MET: variants seen among roughly 807,000 people sequenced by gnomAD.
MET encodes MET proto-oncogene, receptor tyrosine kinase.
In MET, 48 loss-of-function variants were observed where a neutral mutation model predicts 133.1. That is an observed-to-expected ratio of 0.36 (90% CI 0.29 to 0.46). The LOEUF is 0.46. Among genes scored for constraint, MET ranks in the 20% least tolerant of loss-of-function variants. MET has a pLI of 1.00. For missense variants in MET, 1,442 were observed against 1,695.9 expected, an observed-to-expected ratio of 0.85 and a Z score of 2.63; for synonymous variants, 628 against 616.5, an observed-to-expected ratio of 1.02 and a Z score of -0.28.
In MET at chr7:116,795,722, C is replaced by T. The variant is rs1584977952; in HGVS notation, c.3866C>T (p.Thr1289Ile). Residue 1289 changes from threonine (T) to isoleucine (I), a missense_variant, in exon 20 of 21, where the codon ACC becomes ATC. By Grantham distance (89) the Thr-to-Ile change is moderately conservative (BLOSUM62 -1). This residue lies in a region of MET where 32 missense variants were observed against 72.4 expected (regional missense o/e 0.44). Transcript: ENST00000397752. ...RGAPPYPDVNTFDITVYLLQG... is the reference protein window; with the variant it reads ...RGAPPYPDVNIFDITVYLLQG... ...GCCCCACCTTATCCTGACGTAAACA[C>T]CTTTGATATAACTGTTTACTTGTTG... is the stretch of plus-strand genomic sequence containing the variant. The T allele has an allele frequency of 1.2e-6, 2 of 1,614,090 alleles. No individual in the cohort carries two copies. Among genetic ancestry groups the T allele is most frequent in the Non-Finnish European group, 1.7e-6 (2 of 1,179,986 alleles).
chr7:116,721,585 A>G (rs997246245), intron 2 of MET, among the ~76,000 whole-genome samples: 4 of 151,928 alleles, frequency 2.6e-5, no homozygotes, highest in African/African-American at 9.7e-5. Flanking sequence ...TTAGGGTGTC[A>G]ATTTTGGAAC....
At chr7:116,789,675 G>C (rs902118572) in intron 19 of MET, among the ~76,000 whole-genome samples, 10 of 152,142 alleles carry the variant, frequency 6.6e-5, no homozygotes, top group Admixed American at 6.5e-4. Flanking sequence ...GTAGTCTTAT[G>C]AGTCTGTCTC....
chr7:116,704,377 G>A (rs1260312711), intron 2 of MET, among the ~76,000 whole-genome samples: 5 of 152,194 alleles, frequency 3.3e-5, no homozygotes, highest in East Asian at 1.9e-4. Flanking sequence ...TGAACCCATC[G>A]TCCTGCGTGC....
rs1369412980 is a variant in MET at position 116,737,948 on chromosome 7, C to T, written c.1393-2002C>T. ...GCAAGAAGGTAGGAGAAAAAAAGGG[C>T]TCTAGGAGGTGATTGTTATGTAGCC... On this transcript the variant is annotated intron_variant, in intron 3 of 20. Transcript: ENST00000397752. 2.6e-5 allele frequency among the ~76,000 whole-genome samples: 4 copies of T among 152,162 alleles called. No individual in the cohort carries two copies. The East Asian group carries it at 7.7e-4, about 29-fold the overall frequency.
At chr7:116,690,013 G>T (rs1391469707) in intron 1 of MET, among the ~76,000 whole-genome samples, 1 of 152,126 alleles carries the variant, frequency 6.6e-6, no homozygotes, top group African/African-American at 2.4e-5. Context: ...CCACAAGATG[G>T]CTAAAGGGTG....
chr7:116,738,005 C>G (rs1205599999), intron 3 of MET, among the ~76,000 whole-genome samples: 1 of 152,116 alleles, frequency 6.6e-6, no homozygotes, highest in Non-Finnish European at 1.5e-5. Context: ...ACCAGGGAGA[C>G]AGACACAAAA....
intron 19 of MET, among the ~76,000 whole-genome samples, chr7:116,794,366 G>C (rs1795607973): frequency 1.3e-5 from 2 of 152,150 alleles, no homozygotes; most frequent in Admixed American, 1.3e-4. Flanking sequence ...TTCAGACTTT[G>C]AAAACTTCTA....
chr7:116,778,853 C>T lies in MET; in HGVS notation c.3418C>T (p.Leu1140Phe), dbSNP rs1333930330. ...IMKDFSHPNV[L>F]SLLGICLRSE... The stretch of plus-strand genomic sequence containing the variant: ...GAAAGATTTTAGTCATCCCAATGTC[C>T]TCTCGCTCCTGGGAATCTGCCTGCG... The change falls in exon 17 of 21, where the codon CTC (leucine) becomes TTC (phenylalanine). Residue 1140 changes from leucine to phenylalanine, a missense_variant. Transcript: ENST00000397752. 2 of 1,614,034 alleles carry T rather than the reference C, an allele frequency of 1.2e-6. No individual in the cohort carries two copies. Among genetic ancestry groups the T allele is most frequent in the Non-Finnish European group, 8.5e-7 (1 of 1,179,934 alleles).
intron 11 of MET, among the ~76,000 whole-genome samples, chr7:116,765,935 A>C (rs1231856319): frequency 6.6e-6 from 1 of 152,174 alleles, no homozygotes; most frequent in Non-Finnish European, 1.5e-5. Flanking sequence ...TTGATTCCAA[A>C]TTTGGTCTTC....
chr7:116,743,669 C>T (rs897507479), intron 5 of MET, among the ~76,000 whole-genome samples: 3 of 152,226 alleles, frequency 2.0e-5, no homozygotes, highest in African/African-American at 7.2e-5. Context: ...TCCCCCAGCA[C>T]AGTGCTCTAG....
intron 2 of MET, among the ~76,000 whole-genome samples, chr7:116,724,459 G>A (rs572713479): frequency 1.1e-4 from 17 of 152,224 alleles, no homozygotes; most frequent in Admixed American, 3.3e-4. Flanking sequence ...GCTGTAGACC[G>A]GAGCTGTTCC....
intron 14 of MET, among the ~76,000 whole-genome samples, chr7:116,773,030 T>C (rs545415751): frequency 1.3e-5 from 2 of 152,328 alleles, no homozygotes; most frequent in South Asian, 2.1e-4. Context: ...GCACATTTCA[T>C]AGTTCTAATC....
intron 19 of MET, among the ~76,000 whole-genome samples, chr7:116,792,239 A>G (rs1795524315): frequency 6.6e-6 from 1 of 152,060 alleles, no homozygotes; most frequent in Non-Finnish European, 1.5e-5. Context: ...TTCACATTTA[A>G]TCATTTCTTT....
At chr7:116,677,732 T>G (rs989795579) in intron 1 of MET, among the ~76,000 whole-genome samples, 20 of 152,334 alleles carry the variant, frequency 1.3e-4, no homozygotes, top group African/African-American at 4.6e-4. Context: ...TAAACAAATT[T>G]TTTAAAACCA....
At chr7:116,688,363 G>A (rs1025178872) in intron 1 of MET, among the ~76,000 whole-genome samples, 3 of 152,172 alleles carry the variant, frequency 2.0e-5, no homozygotes, top group East Asian at 3.9e-4. Flanking sequence ...ACAAAATTAT[G>A]TCCATCCATT....
chr7:116,691,848 G>A (rs987069860), intron 1 of MET, among the ~76,000 whole-genome samples: 2 of 152,148 alleles, frequency 1.3e-5, no homozygotes, highest in African/African-American at 4.8e-5. Context: ...ACCAAGCTCC[G>A]TGTCAAGAGA....
intron 2 of MET, among the ~76,000 whole-genome samples, chr7:116,704,327 G>A (rs541553735): frequency 3.0e-4 from 45 of 152,138 alleles, no homozygotes; most frequent in South Asian, 1.5e-3. Flanking sequence ...GAACCCCACC[G>A]TCTTCTACCT....
intron 2 of MET, among the ~76,000 whole-genome samples, chr7:116,725,656 A>G (rs1204560446): frequency 3.3e-5 from 5 of 151,576 alleles, no homozygotes; most frequent in Non-Finnish European, 7.4e-5. Flanking sequence ...CTCCTAGGCA[A>G]CAAACCTGTA....
intron 1 of MET, among the ~76,000 whole-genome samples, chr7:116,686,324 T>C (rs1796555942): frequency 6.6e-6 from 1 of 152,184 alleles, no homozygotes; most frequent in Non-Finnish European, 1.5e-5. Flanking sequence ...TTCTTGCCTC[T>C]GCCCAGAAAT....
Sources: gnomAD v4.1 joint callset for allele counts (sites outside exome capture counted in the v4.1 genomes callset) on GRCh38, gnomAD v4.1.1 for gene constraint, gnomAD v4.1.1 regional missense constraint, MANE v1.5 for transcripts, NCBI Gene and HGNC (gene_info 2026-07-23, HGNC 2026-07-21) for gene names.